The following SEMA3E variants were observed in gnomAD, a reference collection of about 807,000 sequenced individuals.
SEMA3E encodes the protein semaphorin-3E.
SEMA3E carries 49 observed loss-of-function variants against 93.6 expected under a neutral mutation model. That is an observed-to-expected ratio of 0.52 (90% CI 0.42 to 0.66). SEMA3E has a LOEUF of 0.66. Ranked by LOEUF, SEMA3E falls within the 30% of genes least tolerant of loss-of-function variation. The pLI, the probability that SEMA3E is intolerant of heterozygous loss-of-function variation, is 0.00. For missense variants in SEMA3E, 906 were observed against 964.8 expected (o/e 0.94, Z 0.81); for synonymous variants, 363 against 330.7 (o/e 1.10, Z -1.06).
rs1788305538 is a variant in SEMA3E, at chr7:83,405,314, T to C, written c.998+136A>G. ...GCAAACGTTGGAAAATAAAGATCAA[T>C]TGGTGATTATAAAGTGTAGAAAATG... On this transcript the variant is annotated intron_variant, in intron 9 of 16. Coordinates refer to ENST00000643230, the MANE Select transcript of SEMA3E (RefSeq NM_012431.3). 9.0e-6 allele frequency: 6 copies of C among 669,574 alleles called. No homozygotes were observed. The Admixed American group carries it at 1.4e-4, about 15-fold the overall frequency. The allele number at this position is 669,574 out of a possible 1,614,324, so 41.5% of individuals were successfully genotyped here.
intron 4 of SEMA3E, among the ~76,000 whole-genome samples, chr7:83,421,438 G>C (rs945755424): frequency 4.2e-5 from 6 of 141,828 alleles, no homozygotes; most frequent in African/African-American, 1.5e-4. Flanking sequence ...TCTCATTAAA[G>C]GTTGTTTTGT....
At chr7:83,628,875 T>C (rs1264644301) in intron 1 of SEMA3E, among the ~76,000 whole-genome samples, 1 of 152,122 alleles carries the variant, frequency 6.6e-6, no homozygotes, top group Non-Finnish European at 1.5e-5. Flanking sequence ...TTCTAGTTTT[T>C]GGAATTTTCA....
At chr7:83,553,365 C>A (rs1052176629) in intron 1 of SEMA3E, among the ~76,000 whole-genome samples, 3 of 152,186 alleles carry the variant, frequency 2.0e-5, no homozygotes, top group East Asian at 3.9e-4. Context: ...CTCCTCTATG[C>A]ACCCACACAT....
chr7:83,387,315 A>C (rs1275332773), intron 14 of SEMA3E, among the ~76,000 whole-genome samples: 1 of 151,856 alleles, frequency 6.6e-6, no homozygotes, highest in Non-Finnish European at 1.5e-5. Flanking sequence ...ATTTCTCTTT[A>C]CTTTTTGTTA....
intron 1 of SEMA3E, among the ~76,000 whole-genome samples, chr7:83,515,856 C>T (rs1406645680): frequency 1.3e-5 from 2 of 152,034 alleles, no homozygotes; most frequent in African/African-American, 4.8e-5. Flanking sequence ...GGTGAAACCA[C>T]GTCTCCACTA....
intron 1 of SEMA3E, among the ~76,000 whole-genome samples, chr7:83,514,180 G>A (rs1222752955): frequency 1.3e-5 from 2 of 152,114 alleles, no homozygotes; most frequent in African/African-American, 4.8e-5. Context: ...AAAAAGGGGG[G>A]TGGAGGCGCA....
chr7:83,635,881 CAA>C (rs5885371), intron 1 of SEMA3E, among the ~76,000 whole-genome samples: 13 of 139,628 alleles, frequency 9.3e-5, no homozygotes, highest in Admixed American at 3.6e-4. Flanking sequence ...GACAGACTGA[CAA>C]AAAAAAAAAA....
At chr7:83,406,931 C>T (rs1427851079) in intron 7 of SEMA3E, among the ~76,000 whole-genome samples, 166 bp downstream of exon 7, 4 of 152,078 alleles carry the variant, frequency 2.6e-5, no homozygotes, top group Admixed American at 2.0e-4. Flanking sequence ...TTTTAAGATA[C>T]ACCTTTCACT....
At chr7:83,639,771 C>G (rs1489885624) in intron 1 of SEMA3E, among the ~76,000 whole-genome samples, 2 of 150,966 alleles carry the variant, frequency 1.3e-5, no homozygotes, top group African/African-American at 4.9e-5. Context: ...AAGACAGCAT[C>G]AAATAAAATA....
At chr7:83,420,385 C>A (rs1333943630) in intron 4 of SEMA3E, among the ~76,000 whole-genome samples, 1 of 152,118 alleles carries the variant, frequency 6.6e-6, no homozygotes, top group East Asian at 1.9e-4. Context: ...CTGCCCAAAG[C>A]AATCTACAGA....
intron 1 of SEMA3E, among the ~76,000 whole-genome samples, chr7:83,524,364 C>T (rs1005336512): frequency 1.7e-4 from 26 of 152,074 alleles, no homozygotes; most frequent in African/African-American, 6.0e-4. Flanking sequence ...AGCCTTGGAC[C>T]AAAAATTTTG....
intron 1 of SEMA3E, among the ~76,000 whole-genome samples, chr7:83,589,807 T>C (rs1339044351): frequency 7.9e-5 from 12 of 152,146 alleles, no homozygotes; most frequent in Non-Finnish European, 1.2e-4. Context: ...ATGTGGCTAG[T>C]AGTTATTGTA....
intron 1 of SEMA3E, among the ~76,000 whole-genome samples, chr7:83,585,165 C>A (rs1207204066): frequency 6.6e-6 from 1 of 152,144 alleles, no homozygotes; most frequent in East Asian, 1.9e-4. Flanking sequence ...GTGCTTCTAC[C>A]TCTGCAACAG....
At chr7:83,392,313 G>A (rs940456889) in intron 14 of SEMA3E, among the ~76,000 whole-genome samples, 4 of 151,862 alleles carry the variant, frequency 2.6e-5, no homozygotes, top group Non-Finnish European at 5.9e-5. Flanking sequence ...GTGGCTTGTC[G>A]TTTCCACATT....
Position 83,469,244 on chromosome 7 carries a change from G to T in SEMA3E, c.335C>A (p.Ala112Glu). 3 of 1,605,288 alleles carry T rather than the reference G, an allele frequency of 1.9e-6. No homozygotes were observed. Among genetic ancestry groups the T allele is most frequent in the Admixed American group, 1.7e-5 (1 of 59,980 alleles). The change falls in exon 3 of 17, where the codon GCG (alanine) becomes GAG (glutamate). Residue 112 changes from alanine (A) to glutamate (E), a missense_variant and splice_region_variant. Coordinates refer to ENST00000643230, the MANE Select transcript of SEMA3E (RefSeq NM_012431.3). ...TAATTTACAATGAATCATACTTACCGCATCTTTTCCCTTCATTATGCATTC... is the reference window on the plus strand; with the variant it reads ...TAATTTACAATGAATCATACTTACCTCATCTTTTCCCTTCATTATGCATTC... ...MEECIMKGKD[A>E]GECANYVRVL...
In SEMA3E at chr7:83,586,800, C is replaced by T. The variant is rs76389589; in HGVS notation, c.115+61628G>A. 7.6e-3 allele frequency among the ~76,000 whole-genome samples: 1,150 copies of T among 152,106 alleles called. 10 individuals are homozygous for T. Among genetic ancestry groups the T allele is most frequent in the African/African-American group, 0.027 (1,107 of 41,514 alleles). On this transcript the variant is annotated intron_variant, in intron 1 of 16. Coordinates refer to ENST00000643230, the MANE Select transcript of SEMA3E (RefSeq NM_012431.3). ...CTCCAGCAAAGGAAACAATCTCTATCGTCAACAATGTAAGTACAGACTCCA... is the reference window on the plus strand; with the variant it reads ...CTCCAGCAAAGGAAACAATCTCTATTGTCAACAATGTAAGTACAGACTCCA...
intron 8 of SEMA3E, 91 bp from the exon 9 acceptor site, chr7:83,405,610 A>C (rs1788314493): frequency 1.9e-6 from 2 of 1,058,854 alleles, no homozygotes; most frequent in South Asian, 2.6e-5. Flanking sequence ...TTTAGAACTC[A>C]TTATAGATTT....
intron 1 of SEMA3E, among the ~76,000 whole-genome samples, chr7:83,501,545 C>T (rs1341781882): frequency 2.0e-5 from 3 of 152,110 alleles, no homozygotes; most frequent in Non-Finnish European, 2.9e-5. Flanking sequence ...CTCCACCTCC[C>T]GGGTTCAAGC....
chr7:83,385,727 T>C (rs955282070), intron 15 of SEMA3E, among the ~76,000 whole-genome samples: 1 of 151,948 alleles, frequency 6.6e-6, no homozygotes, highest in African/African-American at 2.4e-5. Context: ...TCATGGAAAG[T>C]CTATTGCAAC....
Sources: gnomAD v4.1 joint callset for allele counts (sites outside exome capture counted in the v4.1 genomes callset) on GRCh38, gnomAD v4.1.1 for gene constraint, MANE v1.5 for transcripts, NCBI Gene and HGNC (gene_info 2026-07-23, HGNC 2026-07-21) for gene names.